Variants in LUZP2 observed in about 807,000 individuals in gnomAD.
LUZP2 encodes the protein leucine zipper protein 2.
LUZP2 carries 52 observed loss-of-function variants against 51.6 expected under a neutral mutation model. The observed-to-expected ratio is 1.01, with a 90% CI of 0.81 to 1.27. The LOEUF (loss-of-function observed/expected upper bound fraction) is 1.27. LUZP2 is among the 50% of genes most tolerant of loss of function. LUZP2 has a pLI of 0.00. For missense variants in LUZP2, 436 were observed against 395.4 expected (o/e 1.10, Z -0.87); for synonymous variants, 154 against 137.3 (o/e 1.12, Z -0.85).
At chr11:25,009,566 A>T (rs1209788499) in intron 9 of LUZP2, among the ~76,000 whole-genome samples, 1 of 152,152 alleles carries the variant, frequency 6.6e-6, no homozygotes, top group Non-Finnish European at 1.5e-5. Context: ...ATTTTCTTTT[A>T]AATATGTATA....
At chr11:24,587,649 T>C (rs537434880) in intron 1 of LUZP2, among the ~76,000 whole-genome samples, 6 of 152,220 alleles carry the variant, frequency 3.9e-5, no homozygotes, top group African/African-American at 1.4e-4. Flanking sequence ...TCAAAACATC[T>C]TGTGATGACT....
chr11:24,641,738 A>C (rs554218798), intron 1 of LUZP2, among the ~76,000 whole-genome samples: 1 of 152,070 alleles, frequency 6.6e-6, no homozygotes, highest in African/African-American at 2.4e-5. Context: ...ACAATGATTT[A>C]TCTTTGAAAA....
At chr11:24,820,234 GC>G (rs1850318916) in intron 5 of LUZP2, among the ~76,000 whole-genome samples, 1 of 152,148 alleles carries the variant, frequency 6.6e-6, no homozygotes, top group South Asian at 2.1e-4. Flanking sequence ...TGGCACTGGT[GC>G]CATGTCATAG....
At chr11:24,744,397 G>T (rs1859298240) in intron 4 of LUZP2, among the ~76,000 whole-genome samples, 1 of 152,012 alleles carries the variant, frequency 6.6e-6, no homozygotes, top group African/African-American at 2.4e-5. Context: ...GTTTGTTATT[G>T]GTCTGTTTGT....
intron 5 of LUZP2, among the ~76,000 whole-genome samples, chr11:24,805,905 G>A (rs989091556): frequency 2.0e-5 from 3 of 152,114 alleles, no homozygotes; most frequent in Non-Finnish European, 2.9e-5. Context: ...TTAAATATTG[G>A]CTGGAGGCTT....
chr11:24,679,060 C>T (rs867228134), intron 1 of LUZP2, among the ~76,000 whole-genome samples: 14 of 152,064 alleles, frequency 9.2e-5, no homozygotes, highest in Admixed American at 2.6e-4. Flanking sequence ...TATATGGAGA[C>T]GGCCACTGCT....
At chr11:24,824,099 T>C (rs10767248) in intron 5 of LUZP2, among the ~76,000 whole-genome samples, 120,067 of 151,296 alleles carry the variant, frequency 0.79, 47,904 homozygotes, top group East Asian at 0.88. Context: ...TGTGGTGGCT[T>C]ATGCCTGTAA....
intron 1 of LUZP2, among the ~76,000 whole-genome samples, chr11:24,623,153 C>A (rs1257445712): frequency 6.6e-6 from 1 of 151,912 alleles, no homozygotes; most frequent in South Asian, 2.1e-4. Context: ...ATTTACTGAA[C>A]TCCCCCCCAA....
rs1437148945 is a variant in LUZP2, at chr11:25,080,163, A to G, written c.*1505A>G. 5 of 152,224 alleles carry G rather than the reference A, an allele frequency of 3.3e-5. No homozygotes were observed. The highest frequency in any genetic ancestry group is 5.9e-5 in the Non-Finnish European group (4 of 68,032). The allele number at this position is 152,224 out of a possible 1,614,324, so 9.4% of individuals were successfully genotyped here. A position where few individuals can be genotyped will look rare whatever the true frequency, so the allele number is the denominator to read the frequency against. ...TTAACGGTTTTTTCATGATTCTGTG[A>G]AAGCTTCATAATTTCTACATGCTTT... On this transcript the variant is annotated 3_prime_UTR_variant, in exon 12 of 12. Transcript: ENST00000336930.
At chr11:24,811,698 C>T (rs994050984) in intron 5 of LUZP2, among the ~76,000 whole-genome samples, 4 of 152,042 alleles carry the variant, frequency 2.6e-5, no homozygotes, top group African/African-American at 9.7e-5. Context: ...ACTGCTCTAC[C>T]TTTAAAATGT....
At chr11:24,601,972 GTATATGTATATATATGTGTA>G (rs1565019856) in intron 1 of LUZP2, among the ~76,000 whole-genome samples, 6 of 110,168 alleles carry the variant, frequency 5.4e-5, no homozygotes, top group South Asian at 2.6e-4. Flanking sequence ...GTATATATGT[GTATATGTATATATATGTGTA>G]TATATGTATA....
chr11:24,691,094 GT>G (rs905627356), intron 1 of LUZP2, among the ~76,000 whole-genome samples: 1 of 151,854 alleles, frequency 6.6e-6, no homozygotes, highest in African/African-American at 2.4e-5. Context: ...GAATTCCTAT[GT>G]TTTTTTACAG....
At chr11:24,642,877 G>C (rs1261930727) in intron 1 of LUZP2, among the ~76,000 whole-genome samples, 1 of 152,134 alleles carries the variant, frequency 6.6e-6, no homozygotes, top group Non-Finnish European at 1.5e-5. Context: ...CAAGATTCTT[G>C]CTGGAGACAG....
At chr11:24,524,596 C>A (rs928245095) in intron 1 of LUZP2, among the ~76,000 whole-genome samples, 1 of 151,600 alleles carries the variant, frequency 6.6e-6, no homozygotes, top group Non-Finnish European at 1.5e-5. Flanking sequence ...TAATTTAGTC[C>A]ATTAACTCTT....
At chr11:25,077,705 C>A (rs1334762699) in intron 11 of LUZP2, among the ~76,000 whole-genome samples, 1 of 151,632 alleles carries the variant, frequency 6.6e-6, no homozygotes, top group Non-Finnish European at 1.5e-5. Context: ...ACTGTGTTAG[C>A]CAGGATGGTC....
chr11:24,630,406 A>T (rs1854837062), intron 1 of LUZP2, among the ~76,000 whole-genome samples: 1 of 151,926 alleles, frequency 6.6e-6, no homozygotes, highest in African/African-American at 2.4e-5. Flanking sequence ...CTTCTGCATA[A>T]AGCATTCTAA....
At chr11:25,044,819 A>G (rs1218817586) in intron 9 of LUZP2, among the ~76,000 whole-genome samples, 1 of 152,036 alleles carries the variant, frequency 6.6e-6, no homozygotes, top group Non-Finnish European at 1.5e-5. Flanking sequence ...TAAATGTCCA[A>G]CAAGGATAGA....
intron 1 of LUZP2, among the ~76,000 whole-genome samples, chr11:24,678,978 T>C (rs1444600480): frequency 6.6e-6 from 1 of 152,260 alleles, no homozygotes; most frequent in African/African-American, 2.4e-5. Flanking sequence ...TTATGTCCTC[T>C]AGCTAGGAAA....
intron 1 of LUZP2, among the ~76,000 whole-genome samples, chr11:24,578,632 C>G (rs1420794449): frequency 6.6e-6 from 1 of 151,708 alleles, no homozygotes; most frequent in Non-Finnish European, 1.5e-5. Context: ...TCCTTTGCAG[C>G]AACATGGATG....
Sources: allele counts gnomAD v4.1 joint callset (sites outside exome capture counted in the v4.1 genomes callset), GRCh38; gene constraint gnomAD v4.1.1; transcripts MANE v1.5; gene names NCBI Gene and HGNC (gene_info 2026-07-23, HGNC 2026-07-21).